The following PAK4 variants were observed in gnomAD, a reference collection of about 807,000 sequenced individuals.
PAK4 encodes serine/threonine-protein kinase PAK 4.
In PAK4, 49 loss-of-function variants were observed where a neutral mutation model predicts 53.5. The ratio of observed to expected loss-of-function variants is 0.92; its 90% CI spans 0.73 to 1.16. The LOEUF (loss-of-function observed/expected upper bound fraction) is 1.16. Ranked by LOEUF, PAK4 falls within the 50% of genes most tolerant of loss-of-function variation. PAK4 has a pLI of 0.00. For missense variants in PAK4, 824 were observed against 850.7 expected (o/e 0.97, Z 0.39); for synonymous variants, 376 against 375.6 (o/e 1.00, Z -0.01).
At chr19:39,130,395 C>G (rs1383441184) in intron 1 of PAK4, among the ~76,000 whole-genome samples, 2 of 151,804 alleles carry the variant, frequency 1.3e-5, no homozygotes, top group South Asian at 4.2e-4. Context: ...GTAGGAAGCC[C>G]GAGGAGGCAT....
intron 1 of PAK4, among the ~76,000 whole-genome samples, chr19:39,153,435 TTTG>T (rs1262637801): frequency 2.6e-5 from 4 of 152,054 alleles, no homozygotes; most frequent in East Asian, 3.9e-4. Context: ...ATTTTTGTGT[TTTG>T]TTGTTGTTGT....
rs377269956 is a variant in PAK4, at chr19:39,172,195, G to A, written c.205-723G>A. Among the ~76,000 whole-genome samples the A allele has an allele frequency of 6.2e-4, 94 of 150,922 alleles. 1 individual carries two copies. In the South Asian group the frequency reaches 0.014, roughly 23 times the overall value. On this transcript the variant is annotated intron_variant, in intron 2 of 8. Transcript: ENST00000358301. ...AGAGCTGATGTTCCAGGCAGAGGGA[G>A]CCGCCAGCGGAGAGGCCCTGGGCGC...
intron 1 of PAK4, among the ~76,000 whole-genome samples, chr19:39,144,329 C>T (rs1381324774): frequency 1.3e-5 from 2 of 152,172 alleles, no homozygotes; most frequent in African/African-American, 2.4e-5. Flanking sequence ...ACCGTGTGAA[C>T]GGCACCCTCC....
At chr19:39,143,417 C>G (rs1281669228) in intron 1 of PAK4, among the ~76,000 whole-genome samples, 2 of 150,566 alleles carry the variant, frequency 1.3e-5, no homozygotes, top group East Asian at 3.9e-4. Flanking sequence ...ACAGTGAAAC[C>G]CCGTCTCTAC....
Position 39,173,761 on chromosome 19 carries a change from T to TCCTGGGCCC in PAK4, c.855_863dup (p.Pro287_Pro289dup). 1 of 1,590,092 alleles carries TCCTGGGCCC rather than the reference T, an allele frequency of 6.3e-7. No homozygotes were observed. The highest frequency in any genetic ancestry group is 8.5e-7 in the Non-Finnish European group (1 of 1,170,260). ...CCTGCACCCCCGCCGCCCCTGCTGTTCCTGGGCCCCCTGGCCCCCGCTCAC... is the reference window on the plus strand; with the variant it reads ...CCTGCACCCCCGCCGCCCCTGCTGTTCCTGGGCCCCCTGGGCCCCCTGGCCCCCGCTCAC... On this transcript the variant is annotated inframe_insertion, in exon 4 of 9. Coordinates refer to ENST00000358301, the Ensembl canonical transcript of PAK4. This position sits in a 1 kb window ranked among gnomAD's most constrained non-coding sequence, Gnocchi z 6.9.
chr19:39,150,507 A>G (rs2074076628), intron 1 of PAK4, among the ~76,000 whole-genome samples: 1 of 151,964 alleles, frequency 6.6e-6, no homozygotes, highest in South Asian at 2.1e-4. Flanking sequence ...CAGTTGCCCA[A>G]ACAGCGCTGC....
At chr19:39,133,352 A>G (rs906383590) in intron 1 of PAK4, among the ~76,000 whole-genome samples, 3 of 152,210 alleles carry the variant, frequency 2.0e-5, no homozygotes, top group African/African-American at 7.2e-5. Flanking sequence ...TAGCCATGTT[A>G]TTAATATGAG....
exon 3 of PAK4, chr19:39,172,992 G>A (rs751093093): frequency 4.5e-5 from 69 of 1,550,044 alleles, no homozygotes; most frequent in Admixed American, 7.8e-5. Context: ...AGAACATGTC[G>A]GTGACACGCT....
chr19:39,146,269 G>C (rs2073997794), intron 1 of PAK4, among the ~76,000 whole-genome samples: 1 of 152,220 alleles, frequency 6.6e-6, no homozygotes, highest in African/African-American at 2.4e-5. Context: ...ACAGGCCAGA[G>C]TGTGACAGCT....
rs1048877936 is a variant in PAK4 at position 39,137,499 on chromosome 19, G to C, written c.-23+11580G>C. Reference sequence around the variant, plus strand: ...GTGTGACCCATTTCACAGATTGGGAGGTGAGGGGGGCACCAATGCTAAGTC... The same window carrying C: ...GTGTGACCCATTTCACAGATTGGGACGTGAGGGGGGCACCAATGCTAAGTC... On this transcript the variant is annotated intron_variant, in intron 1 of 8. Transcript: ENST00000358301. Among the ~76,000 whole-genome samples the C allele has an allele frequency of 2.0e-5, 3 of 152,194 alleles. No individual in the cohort carries two copies. The East Asian group carries it at 5.8e-4, about 29-fold the overall frequency.
intron 1 of PAK4, among the ~76,000 whole-genome samples, chr19:39,137,664 C>CT (rs796922574): frequency 6.6e-5 from 10 of 150,380 alleles, no homozygotes; most frequent in African/African-American, 2.4e-4. Context: ...GTTCAGGTCA[C>CT]TTTCCTTTTT....
intron 1 of PAK4, among the ~76,000 whole-genome samples, chr19:39,156,045 G>C (rs963275146): frequency 6.6e-6 from 1 of 152,018 alleles, no homozygotes; most frequent in Non-Finnish European, 1.5e-5. Context: ...CACACCTCCC[G>C]GCCCTATTCT....
At chr19:39,181,004 C>T (rs1045294443), downstream of PAK4, 3 of 152,246 alleles carry the variant, frequency 2.0e-5, no homozygotes, top group African/African-American at 7.2e-5. Context: ...GGGGAGCTCC[C>T]TCGCCCAGCC....
In PAK4 at chr19:39,175,084, C is replaced by T; in HGVS notation, c.1232+20C>T. 6.3e-7 allele frequency: 1 copy of T among 1,594,346 alleles called. No homozygotes were observed. On this transcript the variant is annotated intron_variant, in intron 5 of 8. Coordinates refer to ENST00000358301, the Ensembl canonical transcript of PAK4. The surrounding 1 kb of genome is among the most constrained non-coding windows in gnomAD (Gnocchi z 4.7). ...CACCAGGTATTTCTGGGGCCTCAGA[C>T]CCCTCCTGTGACACGACCAAGTCCC... is the stretch of plus-strand genomic sequence containing the variant.
chr19:39,180,190 T>G (rs1403483986), downstream of PAK4: 4 of 152,242 alleles, frequency 2.6e-5, no homozygotes, highest in African/African-American at 7.2e-5. Context: ...GAGCACTGTG[T>G]GTGTGGCAGG....
intron 6 of PAK4, 147 bp from the exon 8 acceptor site, chr19:39,176,443 C>G (rs533432094): frequency 1.8e-6 from 2 of 1,084,072 alleles, no homozygotes; most frequent in Admixed American, 2.0e-5. Context: ...TGGTCTGGCT[C>G]TAGACCCCAG....
rs1399977165 is a variant in PAK4, at chr19:39,175,529, C to G, written c.1359+91C>G. 25 of 1,340,692 alleles carry G rather than the reference C, an allele frequency of 1.9e-5. No individual in the cohort carries two copies. The highest frequency in any genetic ancestry group is 2.6e-5 in the Non-Finnish European group (25 of 973,468). 83.0% of individuals were successfully genotyped at this position (1,340,692 alleles called of 1,614,324 possible). A position where few individuals can be genotyped will look rare whatever the true frequency, so the allele number is the denominator to read the frequency against. On this transcript the variant is annotated intron_variant, in intron 6 of 8. Coordinates refer to ENST00000358301, the Ensembl canonical transcript of PAK4. This position sits in a 1 kb window ranked among gnomAD's most constrained non-coding sequence, Gnocchi z 4.7. The stretch of plus-strand genomic sequence containing the variant: ...CCCATCCCCTGTGAGGGTAGGTGAG[C>G]TCTGACCCCCAGGTCTGTGTCTTGA...
chr19:39,173,447 C>A lies in PAK4; in HGVS notation c.663+71C>A. On this transcript the variant is annotated intron_variant, in intron 3 of 8. Coordinates refer to ENST00000358301, the Ensembl canonical transcript of PAK4. The surrounding 1 kb of genome is among the most constrained non-coding windows in gnomAD (Gnocchi z 6.9). Reference sequence around the variant, plus strand: ...GCTCCTCTGTCCCCACCTTCCAGCCCCGCCCCACCACCGTGCATCTCATCC... The same window carrying A: ...GCTCCTCTGTCCCCACCTTCCAGCCACGCCCCACCACCGTGCATCTCATCC... The A allele has an allele frequency of 7.3e-7, 1 of 1,369,362 alleles. No individual in the cohort carries two copies. The highest frequency in any genetic ancestry group is 9.8e-7 in the Non-Finnish European group (1 of 1,017,110). The allele number at this position is 1,369,362 out of a possible 1,614,324, so 84.8% of individuals were successfully genotyped here.
At chr19:39,139,156 T>C (rs112495000) in intron 1 of PAK4, among the ~76,000 whole-genome samples, 4,768 of 152,278 alleles carry the variant, frequency 0.031, 181 homozygotes, top group African/African-American at 0.085. Flanking sequence ...CTGGCCTTTG[T>C]GGAGTGCTCG....
Sources: allele counts gnomAD v4.1 joint callset (sites outside exome capture counted in the v4.1 genomes callset), GRCh38; gene constraint gnomAD v4.1.1; non-coding constraint Gnocchi (gnomAD v3.1); transcripts MANE v1.5; gene names NCBI Gene and HGNC (gene_info 2026-07-23, HGNC 2026-07-21).